Variants in CBLN2 observed in about 807,000 individuals in gnomAD.
The protein encoded by CBLN2 is cerebellin 2 precursor.
In CBLN2, 7 loss-of-function variants were observed where a neutral mutation model predicts 15.0. The ratio of observed to expected loss-of-function variants is 0.47; its 90% CI spans 0.27 to 0.88. The LOEUF is 0.88. Among genes scored for constraint, CBLN2 ranks in the 40% least tolerant of loss-of-function variants. CBLN2 has a pLI of 0.14. For synonymous variants in CBLN2, 149 were observed against 135.2 expected, an observed-to-expected ratio of 1.10 and a Z score of -0.71; for missense variants, 242 against 304.5, an observed-to-expected ratio of 0.79 and a Z score of 1.53.
chr18:72,562,269 G>T (rs2069266570), intron 1 of CBLN2, among the ~76,000 whole-genome samples: 1 of 152,118 alleles, frequency 6.6e-6, no homozygotes, highest in Admixed American at 6.5e-5. Flanking sequence ...AATTATAATT[G>T]AGAGATGGTG....
chr18:72,542,067 G>A lies in CBLN2; in HGVS notation c.94C>T (p.Leu32=), dbSNP rs746687554. The A allele has an allele frequency of 6.4e-7, 1 of 1,561,670 alleles. No individual in the cohort carries two copies. The highest frequency in any genetic ancestry group is 8.6e-7 in the Non-Finnish European group (1 of 1,164,822). The change falls in exon 3 of 5, where the codon CTG becomes TTG. Residue 32 remains leucine (L), a synonymous_variant. Transcript: ENST00000269503. ...AACAGCAGGGCCAGCGCCACCCCCA[G>A]GCAGGATCCGCAGCCGCCCGGCTCG... The part of the protein sequence containing the change: ...LREPGGCGSC[L]GVALALLLLL...
At chr18:72,555,756 C>T (rs1449888630) in intron 1 of CBLN2, among the ~76,000 whole-genome samples, 3 of 152,220 alleles carry the variant, frequency 2.0e-5, no homozygotes, top group African/African-American at 7.2e-5. Flanking sequence ...AAAGTGATAA[C>T]CATGTTATCT....
intron 1 of CBLN2, among the ~76,000 whole-genome samples, chr18:72,610,324 T>C (rs1453148674): frequency 6.6e-6 from 1 of 152,156 alleles, no homozygotes; most frequent in Non-Finnish European, 1.5e-5. Context: ...GGGAAAACAA[T>C]GGCTCTTTCT....
chr18:72,574,764 G>A (rs1226195827), intron 1 of CBLN2, among the ~76,000 whole-genome samples: 1 of 152,198 alleles, frequency 6.6e-6, no homozygotes, highest in Non-Finnish European at 1.5e-5. Flanking sequence ...TGTCTGGGAA[G>A]AGAGGAGCAG....
upstream of CBLN2, among the ~76,000 whole-genome samples, chr18:72,545,031 T>C (rs1156422502): frequency 6.6e-6 from 1 of 151,980 alleles, no homozygotes; most frequent in African/African-American, 2.4e-5. Context: ...CATTAGAGCA[T>C]CTGTATTTCT....
chr18:72,540,690 A>C lies in CBLN2; in HGVS notation c.357+1114T>G, dbSNP rs184665874. On this transcript the variant is annotated intron_variant, in intron 3 of 4. Transcript: ENST00000269503. ...TGCCTTCCCCTGCCAAGAAAAAAAA[A>C]CCTCAAATACTTAATGCCTAACAAT... Among the ~76,000 whole-genome samples, 869 of 152,298 alleles carry C rather than the reference A, an allele frequency of 5.7e-3. 8 individuals are homozygous for C. Among genetic ancestry groups the C allele is most frequent in the African/African-American group, 0.018 (759 of 41,560 alleles).
intron 1 of CBLN2, among the ~76,000 whole-genome samples, chr18:72,590,560 A>G (rs569973266): frequency 6.6e-6 from 1 of 152,364 alleles, no homozygotes; most frequent in Admixed American, 6.5e-5. Flanking sequence ...GGTTTTTCTT[A>G]AAAACAACAA....
rs569905014 is a variant in CBLN2, at chr18:72,574,151, G to A, written c.16-35379C>T. On this transcript the variant is annotated intron_variant, in intron 1 of 2. Transcript: ENST00000581073. ...TGAGTTGTTCATTTTGTTTATTGTC[G>A]TGTTTTAAGAATTCTTTATATTTTT... 2.1e-4 allele frequency among the ~76,000 whole-genome samples: 32 copies of A among 152,044 alleles called. 1 individual carries two copies. Among genetic ancestry groups the A allele is most frequent in the South Asian group, 4.1e-4 (2 of 4,820 alleles).
chr18:72,549,789 T>TC lies in CBLN2; in HGVS notation c.16-11018dup, dbSNP rs201172594. Among the ~76,000 whole-genome samples, 1,365 of 152,324 alleles carry TC rather than the reference T, an allele frequency of 9.0e-3. 23 individuals are homozygous for TC. The highest frequency in any genetic ancestry group is 0.031 in the African/African-American group (1,282 of 41,570). On this transcript the variant is annotated intron_variant, in intron 1 of 2. Coordinates refer to the CBLN2 transcript ENST00000581073. ...AATTGGTAGCTAGGGGATTTTATCA[T>TC]CCTGTATAAGATTATTCTATCAGGG... is the stretch of plus-strand genomic sequence containing the variant.
At position 72,541,564 on chromosome 18, in the gene CBLN2, C is replaced by A. The variant is rs187431862; in HGVS notation, c.357+240G>T. On this transcript the variant is annotated intron_variant, in intron 3 of 4. Transcript: ENST00000269503. Reference sequence around the variant, plus strand: ...AGAAAGCTTAGACAGCCTTAAGGGACTCTCAGTCATCCAAGTGCCAAGTTA... The same window carrying A: ...AGAAAGCTTAGACAGCCTTAAGGGAATCTCAGTCATCCAAGTGCCAAGTTA... Among the ~76,000 whole-genome samples, 142 of 152,332 alleles carry A rather than the reference C, an allele frequency of 9.3e-4. 1 individual carries two copies. The highest frequency in any genetic ancestry group is 3.2e-3 in the African/African-American group (135 of 41,578).
chr18:72,556,881 C>T (rs550244557), intron 1 of CBLN2, among the ~76,000 whole-genome samples: 1 of 152,030 alleles, frequency 6.6e-6, no homozygotes, highest in Non-Finnish European at 1.5e-5. Context: ...TTAAAACCAA[C>T]AGAGTAATAG....
At chr18:72,630,454 C>T (rs71371789) in intron 1 of CBLN2, among the ~76,000 whole-genome samples, 2,863 of 151,218 alleles carry the variant, frequency 0.019, 44 homozygotes, top group Non-Finnish European at 0.028. Flanking sequence ...TGAATAATTA[C>T]GGAAAGAAGA....
At chr18:72,555,674 CT>C (rs1325908641) in intron 1 of CBLN2, among the ~76,000 whole-genome samples, 4 of 152,154 alleles carry the variant, frequency 2.6e-5, no homozygotes, top group Non-Finnish European at 4.4e-5. Context: ...TCAGTAACAA[CT>C]TGAAAATTCC....
intron 1 of CBLN2, among the ~76,000 whole-genome samples, chr18:72,564,396 C>T (rs192840108): frequency 6.3e-4 from 96 of 151,930 alleles, no homozygotes; most frequent in South Asian, 5.6e-3. Flanking sequence ...TAGAATTCAA[C>T]GAATGAAATA....
At chr18:72,616,209 G>A (rs929568929) in intron 1 of CBLN2, among the ~76,000 whole-genome samples, 1 of 152,152 alleles carries the variant, frequency 6.6e-6, no homozygotes. Context: ...CTCTTTCATA[G>A]CAAGATAAGA....
rs1289846374 is a variant in CBLN2, at chr18:72,537,489, A to G, written c.*687T>C. 1 of 152,592 alleles carries G rather than the reference A, an allele frequency of 6.6e-6. No individual in the cohort carries two copies. Among genetic ancestry groups the G allele is most frequent in the African/African-American group, 2.4e-5 (1 of 41,442 alleles). The allele number at this position is 152,592 out of a possible 1,614,324, so 9.5% of individuals were successfully genotyped here. Reference sequence around the variant, plus strand: ...AGCAAGAAAAATAAAAGTGGGGTTGAGGAGGGAGAGCTGAGTGTGGAAAGA... The same window carrying G: ...AGCAAGAAAAATAAAAGTGGGGTTGGGGAGGGAGAGCTGAGTGTGGAAAGA... On this transcript the variant is annotated 3_prime_UTR_variant, in exon 5 of 5. Coordinates refer to ENST00000269503, the MANE Select transcript of CBLN2 (RefSeq NM_182511.4).
At chr18:72,627,660 G>C (rs1009827887) in intron 1 of CBLN2, among the ~76,000 whole-genome samples, 2 of 152,184 alleles carry the variant, frequency 1.3e-5, no homozygotes, top group African/African-American at 2.4e-5. Flanking sequence ...AGAATAAGAG[G>C]GAGTGATCAA....
intron 1 of CBLN2, among the ~76,000 whole-genome samples, chr18:72,601,811 C>G (rs1371790862): frequency 6.6e-6 from 1 of 152,192 alleles, no homozygotes; most frequent in Admixed American, 6.5e-5. Flanking sequence ...CACTGGTGCT[C>G]CCCCTCCACA....
At position 72,544,041 on chromosome 18, in the gene CBLN2, C is replaced by T. The variant is rs1025257642; in HGVS notation, c.-276G>A. ...GAAAATTAGACACCCTTAAAAGCAC[C>T]GGTCGCTTCTCTTCTTTTAGATTCT... On this transcript the variant is annotated 5_prime_UTR_variant, in exon 1 of 5. Transcript: ENST00000269503. 6.6e-6 allele frequency: 1 copy of T among 152,204 alleles called. No homozygotes were observed. The highest frequency in any genetic ancestry group is 2.4e-5 in the African/African-American group (1 of 41,420). The allele number at this position is 152,204 out of a possible 1,614,324, so 9.4% of individuals were successfully genotyped here. A position where few individuals can be genotyped will look rare whatever the true frequency, so the allele number is the denominator to read the frequency against.
Sources: allele counts gnomAD v4.1 joint callset (sites outside exome capture counted in the v4.1 genomes callset), GRCh38; gene constraint gnomAD v4.1.1; transcripts MANE v1.5; gene names NCBI Gene and HGNC (gene_info 2026-07-23, HGNC 2026-07-21).